MAML2: variants seen among roughly 807,000 people sequenced by gnomAD.
MAML2 encodes the protein mastermind like transcriptional coactivator 2, also known as mastermind-like protein 2.
In MAML2, 22 loss-of-function variants were observed where a neutral mutation model predicts 96.1. The ratio of observed to expected loss-of-function variants is 0.23; its 90% CI spans 0.16 to 0.33. The LOEUF (loss-of-function observed/expected upper bound fraction) is 0.33. Ranked by LOEUF, MAML2 falls within the 10% of genes least tolerant of loss-of-function variation. MAML2 has a pLI of 1.00. For synonymous variants in MAML2, 561 were observed against 521.3 expected (o/e 1.08, Z -1.04); for missense variants, 1,367 against 1,392.4 (o/e 0.98, Z 0.29).
intron 2 of MAML2, among the ~76,000 whole-genome samples, chr11:96,020,735 T>G (rs1470038334): frequency 6.6e-6 from 1 of 152,226 alleles, no homozygotes; most frequent in East Asian, 1.9e-4. Flanking sequence ...TACAGTATAT[T>G]TTACACATTA....
chr11:96,068,438 T>TCACACA (rs10522513), intron 2 of MAML2, among the ~76,000 whole-genome samples: 9,502 of 120,256 alleles, frequency 0.079, 789 homozygotes, highest in East Asian at 0.4. Context: ...GGAGCTTACT[T>TCACACA]CACACACACA....
chr11:96,178,914 A>C (rs1861437713), intron 1 of MAML2, among the ~76,000 whole-genome samples: 1 of 152,168 alleles, frequency 6.6e-6, no homozygotes, highest in Admixed American at 6.5e-5. Flanking sequence ...CAGAATTCTA[A>C]TTTTGACCCT....
chr11:96,188,148 GA>G (rs748870343), intron 1 of MAML2, among the ~76,000 whole-genome samples: 1 of 152,210 alleles, frequency 6.6e-6, no homozygotes, highest in Non-Finnish European at 1.5e-5. Context: ...TAGGTTTAGT[GA>G]AAGCAATGTG....
At chr11:96,279,195 G>A (rs1266547482) in intron 1 of MAML2, among the ~76,000 whole-genome samples, 1 of 152,220 alleles carries the variant, frequency 6.6e-6, no homozygotes. Context: ...AAGGCCATTA[G>A]GCAGTTAGAT....
At chr11:96,215,611 G>C (rs186019383) in intron 1 of MAML2, among the ~76,000 whole-genome samples, 1 of 151,910 alleles carries the variant, frequency 6.6e-6, no homozygotes, top group Non-Finnish European at 1.5e-5. Flanking sequence ...GAGACAGACC[G>C]ACCTCATGAG....
chr11:95,981,996 A>G (rs1314277784), intron 4 of MAML2, among the ~76,000 whole-genome samples: 1 of 152,214 alleles, frequency 6.6e-6, no homozygotes, highest in African/African-American at 2.4e-5. Context: ...AAAAGCTCCT[A>G]ACAGGTGACA....
At chr11:96,332,012 AACTC>A (rs1042768787) in intron 1 of MAML2, among the ~76,000 whole-genome samples, 2 of 152,164 alleles carry the variant, frequency 1.3e-5, no homozygotes, top group African/African-American at 4.8e-5. Flanking sequence ...TCTGTTTTGC[AACTC>A]ACTCTCTTTC....
intron 1 of MAML2, among the ~76,000 whole-genome samples, chr11:96,225,942 A>G (rs931205496): frequency 1.3e-5 from 2 of 152,244 alleles, no homozygotes; most frequent in African/African-American, 4.8e-5. Flanking sequence ...CAAGGTAGCA[A>G]GGAAATTTGA....
At chr11:96,088,516 A>G (rs530070356) in intron 2 of MAML2, among the ~76,000 whole-genome samples, 15 of 152,312 alleles carry the variant, frequency 9.8e-5, no homozygotes, top group African/African-American at 2.9e-4. Flanking sequence ...AAATGCATTC[A>G]TTGCATCCCC....
chr11:96,187,008 G>A (rs958749403), intron 1 of MAML2, among the ~76,000 whole-genome samples: 2 of 152,226 alleles, frequency 1.3e-5, no homozygotes, highest in Non-Finnish European at 2.9e-5. Flanking sequence ...AGTGCCTAGA[G>A]GCTTCCTTGC....
At chr11:96,315,930 C>G (rs1477579939) in intron 1 of MAML2, among the ~76,000 whole-genome samples, 1 of 152,180 alleles carries the variant, frequency 6.6e-6, no homozygotes, top group Non-Finnish European at 1.5e-5. Context: ...ATTAAGGTAG[C>G]CAAAAGCACC....
intron 1 of MAML2, among the ~76,000 whole-genome samples, chr11:96,156,477 G>A (rs762106862): frequency 5.3e-5 from 8 of 152,232 alleles, no homozygotes; most frequent in Non-Finnish European, 1.0e-4. Flanking sequence ...GATAGCACCC[G>A]TTTACTGCCC....
At chr11:96,300,936 C>G (rs186516333) in intron 1 of MAML2, among the ~76,000 whole-genome samples, 37 of 152,264 alleles carry the variant, frequency 2.4e-4, no homozygotes, top group African/African-American at 8.7e-4. Flanking sequence ...GCCTCAGTTT[C>G]CTTTTCTGTA....
At chr11:96,316,442 G>T (rs1387726584) in intron 1 of MAML2, among the ~76,000 whole-genome samples, 1 of 151,938 alleles carries the variant, frequency 6.6e-6, no homozygotes, top group Non-Finnish European at 1.5e-5. Context: ...AATCTCTTTA[G>T]GAGGGATGTT....
chr11:96,089,015 C>T (rs16923051), intron 2 of MAML2, among the ~76,000 whole-genome samples: 11,159 of 151,654 alleles, frequency 0.074, 1,068 homozygotes, highest in African/African-American at 0.22. Context: ...ACAAATCCCA[C>T]AGTAAATCGT....
intron 1 of MAML2, among the ~76,000 whole-genome samples, chr11:96,301,705 AG>A (rs1443234785): frequency 6.6e-6 from 1 of 152,256 alleles, no homozygotes; most frequent in Non-Finnish European, 1.5e-5. Context: ...CCATGGTTGA[AG>A]GCATATTAAT....
At chr11:96,205,822 C>G (rs910802166) in intron 1 of MAML2, among the ~76,000 whole-genome samples, 13 of 152,208 alleles carry the variant, frequency 8.5e-5, no homozygotes, top group African/African-American at 2.9e-4. Context: ...TCCCTACCTT[C>G]TTTGTTGCTC....
At chr11:96,103,734 C>T (rs568826980) in intron 1 of MAML2, among the ~76,000 whole-genome samples, 40 of 152,222 alleles carry the variant, frequency 2.6e-4, no homozygotes, top group Admixed American at 7.2e-4. Context: ...GCTTTAAGCG[C>T]GGTAAGCAAT....
chr11:96,013,719 A>C (rs634969), intron 2 of MAML2, among the ~76,000 whole-genome samples: 2,595 of 152,320 alleles, frequency 0.017, 70 homozygotes, highest in African/African-American at 0.059. Flanking sequence ...CACTGGCGGG[A>C]CGAGGTGGGG....
Sources: gnomAD v4.1 joint callset for allele counts (sites outside exome capture counted in the v4.1 genomes callset) on GRCh38, gnomAD v4.1.1 for gene constraint, MANE v1.5 for transcripts, NCBI Gene and HGNC (gene_info 2026-07-23, HGNC 2026-07-21) for gene names.